Variants in NOS2 observed in about 807,000 individuals in gnomAD.
NOS2 encodes nitric oxide synthase 2.
NOS2 carries 96 observed loss-of-function variants against 136.0 expected under a neutral mutation model. The observed-to-expected ratio is 0.71, with a 90% confidence interval of 0.60 to 0.84. The LOEUF is 0.84. Among genes scored for constraint, NOS2 ranks in the 40% least tolerant of loss-of-function variants. The pLI is 0.00. For synonymous variants in NOS2, 539 were observed against 587.5 expected (o/e 0.92, Z 1.20); for missense variants, 1,237 against 1,496.9 (o/e 0.83, Z 2.87).
intron 26 of NOS2, among the ~76,000 whole-genome samples, chr17:27,757,734 C>T (rs1344720894): frequency 6.6e-6 from 1 of 152,212 alleles, no homozygotes; most frequent in African/African-American, 2.4e-5. Flanking sequence ...AGTAAAGCAA[C>T]GTGTTTGCCT....
chr17:27,776,677 GA>G (rs34069634), intron 11 of NOS2, among the ~76,000 whole-genome samples: 3,756 of 78,132 alleles, frequency 0.048, 49 homozygotes, highest in Non-Finnish European at 0.075. Flanking sequence ...ATCTCCAAAG[GA>G]AAAAAAAAAA....
In NOS2 at chr17:27,779,055, A is replaced by G. The variant is rs202005766; in HGVS notation, c.1006T>C (p.Tyr336His). Residue 336 changes from tyrosine to histidine, a missense_variant and splice_region_variant, in exon 10 of 27, where the codon TAC (tyrosine) becomes CAC (histidine). Around this residue, in one of 3 missense-constraint regions of NOS2, gnomAD observed 440 missense variants for 545.4 expected, o/e 0.81. Transcript: ENST00000313735. ...VLEVAMEHPK[Y>H]EWFRELELKW... ...AGCTCCAGTTCCCGAAACCACTCGTATCTGGCAAAAAGGTAGACACAATTT... is the reference window on the plus strand; with the variant it reads ...AGCTCCAGTTCCCGAAACCACTCGTGTCTGGCAAAAAGGTAGACACAATTT... 149 of 1,502,998 alleles carry G rather than the reference A, an allele frequency of 9.9e-5. No individual in the cohort carries two copies. Among genetic ancestry groups the G allele is most frequent in the Non-Finnish European group, 1.3e-4 (144 of 1,123,278 alleles). The allele number at this position is 1,502,998 out of a possible 1,614,324, so 93.1% of individuals were successfully genotyped here. A position where few individuals can be genotyped will look rare whatever the true frequency, so the allele number is the denominator to read the frequency against.
chr17:27,791,643 C>A (rs1158277321), intron 2 of NOS2, among the ~76,000 whole-genome samples: 1 of 152,088 alleles, frequency 6.6e-6, no homozygotes, highest in East Asian at 1.9e-4. Context: ...CTGCCAGACC[C>A]CACTGCAGTA....
intron 12 of NOS2, 65 bp downstream of exon 12, chr17:27,774,188 GCACA>G (rs66764731): frequency 1.5e-4 from 161 of 1,083,032 alleles, no homozygotes; most frequent in South Asian, 1.8e-4. Context: ...ACAATGAGGT[GCACA>G]CACACACACA....
At chr17:27,759,181 A>G in intron 25 of NOS2, 106 bp from the exon 26 acceptor site, 1 of 736,924 alleles carries the variant, frequency 1.4e-6, no homozygotes, top group Non-Finnish European at 2.2e-6. Flanking sequence ...CTAAGGGGTG[A>G]GGAGTGAGTC....
At chr17:27,773,550 C>T (rs2151328945) in intron 12 of NOS2, among the ~76,000 whole-genome samples, 1 of 152,308 alleles carries the variant, frequency 6.6e-6, no homozygotes, top group South Asian at 2.1e-4. Flanking sequence ...TATCAGCAGG[C>T]AGATGACATA....
intron 11 of NOS2, among the ~76,000 whole-genome samples, chr17:27,777,383 G>A (rs554677263): frequency 6.6e-6 from 1 of 152,354 alleles, no homozygotes; most frequent in African/African-American, 2.4e-5. Context: ...CCACAGGGAA[G>A]GGAAGTGTTT....
intron 9 of NOS2, among the ~76,000 whole-genome samples, chr17:27,779,816 C>A (rs1181432738): frequency 1.3e-5 from 2 of 152,138 alleles, no homozygotes; most frequent in African/African-American, 4.8e-5. Flanking sequence ...TCCCCATTAT[C>A]AGAATAGAAA....
In NOS2 at chr17:27,784,133, A is replaced by AACACAC. The variant is rs3838880; in HGVS notation, c.468-1033_468-1028dup. ...AGGGACTCAGTCAGAAAGGCTTTGA[A>AACACAC]ACACACACACACACACACACACACA... is the stretch of plus-strand genomic sequence containing the variant. On this transcript the variant is annotated intron_variant, in intron 5 of 26. Transcript: ENST00000313735. Among the ~76,000 whole-genome samples, 608 of 147,110 alleles carry AACACAC rather than the reference A, an allele frequency of 4.1e-3. 4 individuals carry two copies. Among genetic ancestry groups the AACACAC allele is most frequent in the South Asian group, 8.5e-3 (38 of 4,492 alleles).
chr17:27,798,810 C>A lies in NOS2; in HGVS notation c.-1G>T, dbSNP rs1481668458. On this transcript the variant is annotated 5_prime_UTR_variant, in exon 2 of 27. Transcript: ENST00000313735. ...ACAGAAATTTCCAAGGACAGGCCAT[C>A]TCTATGGCTTTACAAAGCAGGTCAC... The A allele has an allele frequency of 1.3e-6, 2 of 1,585,656 alleles. No individual in the cohort carries two copies. Among genetic ancestry groups the A allele is most frequent in the Admixed American group, 3.3e-5 (2 of 59,980 alleles).
chr17:27,771,581 C>T (rs1311412030), intron 14 of NOS2, among the ~76,000 whole-genome samples: 1 of 152,244 alleles, frequency 6.6e-6, no homozygotes, highest in Non-Finnish European at 1.5e-5. Context: ...GCCTAAGCCT[C>T]TACGTGGCAC....
At chr17:27,781,309 C>A in intron 7 of NOS2, 132 bp from the exon 8 acceptor site, 1 of 1,001,634 alleles carries the variant, frequency 1.0e-6, no homozygotes, top group Non-Finnish European at 1.4e-6. Context: ...GAGCCAGCCT[C>A]CTGACATGCC....
chr17:27,780,973 T>C, intron 8 of NOS2, 63 bp downstream of exon 8: 1 of 1,599,518 alleles, frequency 6.3e-7, no homozygotes, highest in Non-Finnish European at 8.5e-7. Context: ...GGCTCCACTC[T>C]GTCACTCGCT....
At chr17:27,767,914 G>A in intron 17 of NOS2, 77 bp from the exon 18 acceptor site, 1 of 1,583,528 alleles carries the variant, frequency 6.3e-7, no homozygotes, top group Non-Finnish European at 8.6e-7. Flanking sequence ...CCACTTTTTA[G>A]GCCCTTACCA....
At chr17:27,793,798 G>A (rs952059682) in intron 2 of NOS2, 9 of 376,044 alleles carry the variant, frequency 2.4e-5, no homozygotes, top group Non-Finnish European at 3.3e-5. Flanking sequence ...GGGGCGAGCC[G>A]AGCAGCGGCG....
At chr17:27,788,778 A>C in intron 4 of NOS2, 31 bp downstream of exon 4, 1 of 1,597,952 alleles carries the variant, frequency 6.3e-7, no homozygotes, top group Middle Eastern at 1.8e-4. Flanking sequence ...GCTTGGGACA[A>C]AGGTGGTTCT....
At chr17:27,762,325 G>A (rs189503505) in intron 22 of NOS2, among the ~76,000 whole-genome samples, 129 of 152,340 alleles carry the variant, frequency 8.5e-4, no homozygotes, top group Non-Finnish European at 1.6e-3. Context: ...GAATAGCTGA[G>A]TGAGTGAATG....
At chr17:27,777,681 G>A (rs1359294028) in intron 11 of NOS2, among the ~76,000 whole-genome samples, 1 of 152,186 alleles carries the variant, frequency 6.6e-6, no homozygotes, top group East Asian at 1.9e-4. Flanking sequence ...TAGGCCAGAG[G>A]TGCAGCAGCA....
intron 4 of NOS2, 95 bp from the exon 5 acceptor site, chr17:27,787,921 G>T: frequency 7.4e-7 from 1 of 1,342,972 alleles, no homozygotes. Flanking sequence ...CTCCTCTCTG[G>T]CTGCTCCGGC....
Sources: gnomAD v4.1 joint callset for allele counts (sites outside exome capture counted in the v4.1 genomes callset) on GRCh38, gnomAD v4.1.1 for gene constraint, gnomAD v4.1.1 regional missense constraint, MANE v1.5 for transcripts, NCBI Gene and HGNC (gene_info 2026-07-23, HGNC 2026-07-21) for gene names.